The following GRM3 variants were observed in gnomAD, a reference collection of about 807,000 sequenced individuals.
GRM3 encodes glutamate metabotropic receptor 3.
GRM3 carries 26 observed loss-of-function variants against 70.5 expected under a neutral mutation model. The observed-to-expected ratio is 0.37, with a 90% CI of 0.27 to 0.51. The LOEUF (loss-of-function observed/expected upper bound fraction) is 0.51. Ranked by LOEUF, GRM3 falls within the 20% of genes least tolerant of loss-of-function variation. GRM3 has a pLI of 0.93. For synonymous variants in GRM3, 443 were observed against 434.9 expected, an observed-to-expected ratio of 1.02 and a Z score of -0.23; for missense variants, 859 against 1,123.8, an observed-to-expected ratio of 0.76 and a Z score of 3.37.
intron 1 of GRM3, among the ~76,000 whole-genome samples, chr7:86,744,005 G>A (rs990903717): frequency 6.6e-6 from 1 of 152,060 alleles, no homozygotes; most frequent in Non-Finnish European, 1.5e-5. Context: ...GGTATTATTA[G>A]CATCATCTTA....
chr7:86,716,337 T>C (rs1481496268), intron 1 of GRM3, among the ~76,000 whole-genome samples: 1 of 151,998 alleles, frequency 6.6e-6, no homozygotes, highest in East Asian at 1.9e-4. Flanking sequence ...AAACATTTAC[T>C]GAGTTCTTAT....
At chr7:86,715,058 TATG>T (rs1795283368) in intron 1 of GRM3, among the ~76,000 whole-genome samples, 4 of 151,998 alleles carry the variant, frequency 2.6e-5, no homozygotes, top group African/African-American at 9.7e-5. Context: ...TCAGGACCGT[TATG>T]ATTTCATTGG....
intron 2 of GRM3, among the ~76,000 whole-genome samples, chr7:86,771,706 C>G (rs147568663): frequency 6.6e-6 from 1 of 151,972 alleles, no homozygotes; most frequent in South Asian, 2.1e-4. Context: ...ATACATAAAA[C>G]AAGTCCAAGT....
At chr7:86,852,515 T>G (rs762719853) in intron 5 of GRM3, among the ~76,000 whole-genome samples, 8 of 152,170 alleles carry the variant, frequency 5.3e-5, no homozygotes, top group Admixed American at 1.3e-4. Flanking sequence ...TTATTCAGTA[T>G]GCTAATCTGA....
rs774167311 is a variant in GRM3, at chr7:86,765,303, G to A, written c.158G>A (p.Gly53Glu). The change falls in exon 2 of 6, where the codon GGA (glycine) becomes GAA (glutamate). Residue 53 changes from glycine to glutamate, a missense_variant. Transcript: ENST00000361669. ...GLFPINEKGTGTEECGRINED... is the reference protein window; with the variant it reads ...GLFPINEKGTETEECGRINED... Reference sequence around the variant, plus strand: ...TTTCCTATTAACGAAAAAGGCACTGGAACTGAAGAATGTGGGCGAATCAAT... The same window carrying A: ...TTTCCTATTAACGAAAAAGGCACTGAAACTGAAGAATGTGGGCGAATCAAT... 1.9e-6 allele frequency: 3 copies of A among 1,613,848 alleles called. No individual in the cohort carries two copies. The highest frequency in any genetic ancestry group is 2.2e-5 in the South Asian group (2 of 91,070).
chr7:86,780,069 C>T (rs1797004356), intron 2 of GRM3, among the ~76,000 whole-genome samples: 1 of 152,204 alleles, frequency 6.6e-6, no homozygotes. Context: ...TTTTTTATGG[C>T]TGCATAGTAT....
chr7:86,811,551 C>T (rs527961017), intron 3 of GRM3, among the ~76,000 whole-genome samples: 1 of 151,664 alleles, frequency 6.6e-6, no homozygotes, highest in Non-Finnish European at 1.5e-5. Flanking sequence ...GACAAATATT[C>T]CCCAAACCCT....
Position 86,677,997 on chromosome 7 carries a change from A to G in GRM3, c.-141+33125A>G, listed in dbSNP as rs544386258. Among the ~76,000 whole-genome samples the G allele has an allele frequency of 8.4e-4, 128 of 152,176 alleles. 1 individual carries two copies. The highest frequency in any genetic ancestry group is 3.4e-3 in the Middle Eastern group (1 of 294). Reference sequence around the variant, plus strand: ...ACTAGTAAATAAATTGAAATGTAATAAAGTATTTTGAAATAATTAAAATTT... The same window carrying G: ...ACTAGTAAATAAATTGAAATGTAATGAAGTATTTTGAAATAATTAAAATTT... On this transcript the variant is annotated intron_variant, in intron 1 of 5. Transcript: ENST00000361669.
intron 1 of GRM3, among the ~76,000 whole-genome samples, chr7:86,675,210 C>T (rs1389158611): frequency 6.6e-6 from 1 of 152,032 alleles, no homozygotes; most frequent in African/African-American, 2.4e-5. Context: ...GTACTGTGAT[C>T]AAGGTGGTCT....
At chr7:86,745,408 A>C (rs1246773655) in intron 1 of GRM3, among the ~76,000 whole-genome samples, 1 of 152,102 alleles carries the variant, frequency 6.6e-6, no homozygotes, top group African/African-American at 2.4e-5. Context: ...CCAAATCTAG[A>C]AACATGGTCA....
At chr7:86,771,347 T>C (rs1796734888) in intron 2 of GRM3, among the ~76,000 whole-genome samples, 1 of 152,168 alleles carries the variant, frequency 6.6e-6, no homozygotes, top group Non-Finnish European at 1.5e-5. Flanking sequence ...TAATGGGCTC[T>C]TTTATATCGG....
intron 1 of GRM3, among the ~76,000 whole-genome samples, chr7:86,723,698 A>C (rs1795527335): frequency 1.3e-5 from 2 of 152,164 alleles, no homozygotes; most frequent in Admixed American, 1.3e-4. Flanking sequence ...TGCCTGGGAC[A>C]CTTAACAAAA....
At position 86,762,532 on chromosome 7, in the gene GRM3, T is replaced by G. The variant is rs566558581; in HGVS notation, c.-140-2474T>G. Among the ~76,000 whole-genome samples, 3 of 152,224 alleles carry G rather than the reference T, an allele frequency of 2.0e-5. No individual in the cohort carries two copies. In the South Asian group the frequency reaches 6.2e-4, roughly 32 times the overall value. ...CTCCTGTCTTGCTTGTTTCATTGAG[T>G]TTTTTTCTTCCTTGGCACCTAAAAA... On this transcript the variant is annotated intron_variant, in intron 1 of 5. Coordinates refer to ENST00000361669, the MANE Select transcript of GRM3 (RefSeq NM_000840.3).
intron 2 of GRM3, among the ~76,000 whole-genome samples, chr7:86,782,630 A>T (rs949638285): frequency 3.3e-5 from 5 of 152,170 alleles, no homozygotes; most frequent in African/African-American, 1.2e-4. Context: ...GCTTATGTCA[A>T]TCTTCTATGT....
intron 2 of GRM3, among the ~76,000 whole-genome samples, chr7:86,778,717 AAC>A (rs1162006766): frequency 6.6e-6 from 1 of 152,206 alleles, no homozygotes; most frequent in Non-Finnish European, 1.5e-5. Context: ...GTGATAAATC[AAC>A]ACACAGAAAT....
intron 3 of GRM3, among the ~76,000 whole-genome samples, chr7:86,821,697 G>A (rs1316184980): frequency 6.6e-6 from 1 of 152,100 alleles, no homozygotes; most frequent in Non-Finnish European, 1.5e-5. Flanking sequence ...TTCCTCGAAG[G>A]TGAATCATAT....
chr7:86,833,860 A>G (rs1317029785), intron 3 of GRM3, among the ~76,000 whole-genome samples: 1 of 152,232 alleles, frequency 6.6e-6, no homozygotes, highest in Non-Finnish European at 1.5e-5. Context: ...ATGCATTTGA[A>G]GTAATTTGTT....
At chr7:86,772,034 T>A (rs1796756421) in intron 2 of GRM3, among the ~76,000 whole-genome samples, 2 of 152,152 alleles carry the variant, frequency 1.3e-5, no homozygotes, top group Non-Finnish European at 2.9e-5. Flanking sequence ...TCACTTCATG[T>A]ACATGCCCCT....
chr7:86,731,143 C>T (rs1175666439), intron 1 of GRM3, among the ~76,000 whole-genome samples: 1 of 152,130 alleles, frequency 6.6e-6, no homozygotes, highest in Admixed American at 6.5e-5. Flanking sequence ...AGAGCTATGA[C>T]CTGTATTTCC....
Sources: gnomAD v4.1 joint callset for allele counts (sites outside exome capture counted in the v4.1 genomes callset) on GRCh38, gnomAD v4.1.1 for gene constraint, MANE v1.5 for transcripts, NCBI Gene and HGNC (gene_info 2026-07-23, HGNC 2026-07-21) for gene names.